The following SS18 variants were observed in gnomAD, a reference collection of about 807,000 sequenced individuals.
SS18 encodes the protein protein SSXT.
A neutral mutation model predicts 72.5 loss-of-function variants in SS18; 28 were observed. The ratio of observed to expected loss-of-function variants is 0.39; its 90% CI spans 0.29 to 0.53. SS18 has a LOEUF of 0.53. Among genes scored for constraint, SS18 ranks in the 20% least tolerant of loss-of-function variants. The pLI is 0.76. For synonymous variants in SS18, 172 were observed against 164.2 expected, an observed-to-expected ratio of 1.05 and a Z score of -0.37; for missense variants, 518 against 535.3, an observed-to-expected ratio of 0.97 and a Z score of 0.32.
chr18:26,072,987 GACCTA>G (rs1193040499), intron 3 of SS18, among the ~76,000 whole-genome samples: 1 of 151,864 alleles, frequency 6.6e-6, no homozygotes, highest in Non-Finnish European at 1.5e-5. Context: ...TAACACACTT[GACCTA>G]ACCTAATAGA....
intron 3 of SS18, among the ~76,000 whole-genome samples, chr18:26,062,483 C>G (rs1220026096): frequency 1.3e-5 from 2 of 151,848 alleles, no homozygotes; most frequent in African/African-American, 4.8e-5. Flanking sequence ...AAAAATTATG[C>G]TTGATTAAAG....
intron 10 of SS18, among the ~76,000 whole-genome samples, chr18:26,030,655 G>T (rs185956404): frequency 3.3e-5 from 5 of 152,238 alleles, no homozygotes; most frequent in Admixed American, 3.3e-4. Flanking sequence ...GATCAGTTTA[G>T]TCTACAACAT....
rs912961535 is a variant in SS18 at position 26,057,293 on chromosome 18, C to T, written c.385+296G>A. Among the ~76,000 whole-genome samples, 4 of 152,256 alleles carry T rather than the reference C, an allele frequency of 2.6e-5. No individual in the cohort carries two copies. The East Asian group carries it at 7.7e-4, about 29-fold the overall frequency. ...TTAATTCTTAAGCCATGGTGCAACG[C>T]CTTTTTTTCCAAAAAGCTTCTAAAG... On this transcript the variant is annotated intron_variant, in intron 4 of 10. Transcript: ENST00000415083.
chr18:26,050,294 A>C (rs766080786), intron 5 of SS18, among the ~76,000 whole-genome samples: 2 of 152,166 alleles, frequency 1.3e-5, no homozygotes, highest in Non-Finnish European at 2.9e-5. Context: ...ACCCTCTAAG[A>C]GAACACAGAG....
intron 3 of SS18, among the ~76,000 whole-genome samples, chr18:26,066,557 G>T (rs928324059): frequency 1.3e-5 from 2 of 151,180 alleles, no homozygotes; most frequent in African/African-American, 4.9e-5. Context: ...TAGCATTTTT[G>T]CAAGTTACTT....
chr18:26,057,820 G>A (rs1285985515), intron 3 of SS18, 78 bp from the exon 4 acceptor site: 2 of 1,357,480 alleles, frequency 1.5e-6, no homozygotes, highest in African/African-American at 3.0e-5. Context: ...AGTTGCTTAT[G>A]TTACTAAATT....
chr18:26,054,158 A>T (rs1439349862), intron 4 of SS18, among the ~76,000 whole-genome samples: 1 of 152,182 alleles, frequency 6.6e-6, no homozygotes, highest in Non-Finnish European at 1.5e-5. Flanking sequence ...TGTGTTGTTT[A>T]GGGAATAATG....
At chr18:26,029,634 A>G (rs1447633765) in intron 10 of SS18, among the ~76,000 whole-genome samples, 1 of 152,208 alleles carries the variant, frequency 6.6e-6, no homozygotes, top group African/African-American at 2.4e-5. Flanking sequence ...TTTACTGGAT[A>G]GCAAGGACCG....
chr18:26,090,703 G>A (rs1346910137), upstream of SS18: 1 of 918,376 alleles, frequency 1.1e-6, no homozygotes, highest in Non-Finnish European at 1.7e-6. Context: ...CCAAGCGGAC[G>A]GGCGGCGGGG....
At chr18:26,047,670 T>C (rs2053852463) in intron 5 of SS18, among the ~76,000 whole-genome samples, 1 of 151,628 alleles carries the variant, frequency 6.6e-6, no homozygotes, top group South Asian at 2.1e-4. Flanking sequence ...TGAAACCCCG[T>C]CTCTACCAAA....
intron 5 of SS18, among the ~76,000 whole-genome samples, chr18:26,051,487 T>C (rs544935428): frequency 3.3e-5 from 5 of 152,326 alleles, no homozygotes; most frequent in African/African-American, 1.2e-4. Flanking sequence ...TTCTTAACTA[T>C]AGGTTTCTAA....
At chr18:26,022,003 G>C (rs1354993786) in intron 10 of SS18, among the ~76,000 whole-genome samples, 2 of 152,146 alleles carry the variant, frequency 1.3e-5, no homozygotes, top group Admixed American at 1.3e-4. Flanking sequence ...CCTAGGGAGA[G>C]TATATTGAAT....
intron 9 of SS18, 150 bp downstream of exon 9, chr18:26,034,855 T>C: frequency 9.3e-7 from 1 of 1,074,110 alleles, no homozygotes; most frequent in Non-Finnish European, 1.3e-6. Context: ...AAGAGCAACA[T>C]TTTAAACCAA....
intron 10 of SS18, among the ~76,000 whole-genome samples, chr18:26,028,814 C>A (rs1035121537): frequency 2.0e-5 from 3 of 151,994 alleles, no homozygotes; most frequent in African/African-American, 7.3e-5. Flanking sequence ...TGATAGATAC[C>A]CCATTACTTC....
At chr18:26,047,691 A>T (rs2053852688) in intron 5 of SS18, among the ~76,000 whole-genome samples, 1 of 152,118 alleles carries the variant, frequency 6.6e-6, no homozygotes, top group Non-Finnish European at 1.5e-5. Flanking sequence ...AATACAAAAA[A>T]AATTAGCCGG....
intron 10 of SS18, among the ~76,000 whole-genome samples, chr18:26,019,616 G>A (rs1316900653): frequency 6.6e-6 from 1 of 151,902 alleles, no homozygotes; most frequent in Non-Finnish European, 1.5e-5. Flanking sequence ...TTCGAGACCA[G>A]CCTGACTAAC....
At chr18:26,071,640 G>A (rs1436486338) in intron 3 of SS18, among the ~76,000 whole-genome samples, 11 of 152,002 alleles carry the variant, frequency 7.2e-5, no homozygotes, top group African/African-American at 1.9e-4. Context: ...AGACTAGCCC[G>A]GGCGATATAA....
Position 26,052,790 on chromosome 18 carries a change from G to A in SS18, c.441C>T (p.Asn147=), listed in dbSNP as rs1446781630. 1 of 1,614,038 alleles carries A rather than the reference G, an allele frequency of 6.2e-7. No homozygotes were observed. Among genetic ancestry groups the A allele is most frequent in the South Asian group, 1.1e-5 (1 of 91,084 alleles). Residue 147 remains asparagine, a synonymous_variant, in exon 5 of 11, where the codon AAC becomes AAT. Transcript: ENST00000415083. ...TACTTGAAGGCATATTCATGGAACT[G>A]TTTGTCATATTGAGTTGATTGGGTC... ...GPGPNQLNMT[N]SSMNMPSSSH...
At chr18:26,071,160 G>A (rs1271272120) in intron 3 of SS18, among the ~76,000 whole-genome samples, 1 of 152,094 alleles carries the variant, frequency 6.6e-6, no homozygotes, top group Non-Finnish European at 1.5e-5. Flanking sequence ...TCTTATGGAA[G>A]AATTATTTGC....
Sources: allele counts gnomAD v4.1 joint callset (sites outside exome capture counted in the v4.1 genomes callset), GRCh38; gene constraint gnomAD v4.1.1; transcripts MANE v1.5; gene names NCBI Gene and HGNC (gene_info 2026-07-23, HGNC 2026-07-21).